Variants in MAP2 observed in about 807,000 individuals in gnomAD.
The protein encoded by MAP2 is microtubule-associated protein 2.
A neutral mutation model predicts 137.6 loss-of-function variants in MAP2; 14 were observed. That is an observed-to-expected ratio of 0.10 (90% CI 0.07 to 0.16). The LOEUF (loss-of-function observed/expected upper bound fraction) is 0.16, where lower values mean the gene tolerates loss of function less well. MAP2 is among the 10% of genes least tolerant of loss of function. The pLI is 1.00. For synonymous variants in MAP2, 786 were observed against 782.3 expected (o/e 1.00, Z -0.08); for missense variants, 2,088 against 2,191.5 (o/e 0.95, Z 0.94).
At chr2:209,633,529 C>T (rs559528991) in intron 4 of MAP2, among the ~76,000 whole-genome samples, 54 of 152,030 alleles carry the variant, frequency 3.6e-4, no homozygotes, top group South Asian at 1.9e-3. Context: ...ATAATGAGTA[C>T]GTGATAAGTA....
chr2:209,700,648 T>G (rs2061522531), intron 11 of MAP2, among the ~76,000 whole-genome samples: 1 of 152,158 alleles, frequency 6.6e-6, no homozygotes, highest in Non-Finnish European at 1.5e-5. Context: ...TAGAATCAAA[T>G]TAAACCATAT....
At position 209,451,706 on chromosome 2, in the gene MAP2, C is replaced by T. The variant is rs566542733; in HGVS notation, c.-222+27430C>T. 7.9e-5 allele frequency among the ~76,000 whole-genome samples: 12 copies of T among 152,298 alleles called. No homozygotes were observed. In the East Asian group the frequency reaches 1.9e-3, roughly 25 times the overall value. On this transcript the variant is annotated intron_variant, in intron 1 of 15. Transcript: ENST00000682079. ...ACAGGGCTTTAGTGTTTAATGCAGA[C>T]ATTCAGCAAACTTGCTGCTGGGTGT...
intron 7 of MAP2, among the ~76,000 whole-genome samples, chr2:209,683,313 A>G (rs1166078417): frequency 6.6e-6 from 1 of 152,174 alleles, no homozygotes; most frequent in African/African-American, 2.4e-5. Context: ...TTTCAAGCCA[A>G]ACTTGTGTTT....
chr2:209,468,496 A>G (rs952618724), intron 1 of MAP2, among the ~76,000 whole-genome samples: 3 of 150,596 alleles, frequency 2.0e-5, no homozygotes, highest in African/African-American at 7.3e-5. Context: ...AATTTTTTGT[A>G]TTTTTAGTAC....
intron 3 of MAP2, among the ~76,000 whole-genome samples, chr2:209,584,742 C>G (rs2077285230): frequency 6.6e-6 from 1 of 152,056 alleles, no homozygotes; most frequent in African/African-American, 2.4e-5. Context: ...AGGGTATTGA[C>G]TGTGGGCATG....
At chr2:209,699,030 T>C in intron 10 of MAP2, among the ~76,000 whole-genome samples, 1 of 152,214 alleles carries the variant, frequency 6.6e-6, no homozygotes, top group East Asian at 1.9e-4. Context: ...TTAAAATCTT[T>C]GAACTAATGA....
At chr2:209,556,262 T>C (rs565237450) in intron 2 of MAP2, among the ~76,000 whole-genome samples, 1 of 152,212 alleles carries the variant, frequency 6.6e-6, no homozygotes, top group South Asian at 2.1e-4. Flanking sequence ...CAAGCTGGTA[T>C]TGAACTCCTG....
At chr2:209,448,270 G>T (rs1354223675) in intron 1 of MAP2, among the ~76,000 whole-genome samples, 1 of 152,068 alleles carries the variant, frequency 6.6e-6, no homozygotes, top group Non-Finnish European at 1.5e-5. Context: ...ACTTGAGGTT[G>T]GGAGGTAGGT....
Position 209,693,261 on chromosome 2 carries a change from A to G in MAP2, c.1091A>G (p.Asp364Gly). The change falls in exon 8 of 16, where the codon GAT becomes GGT. Residue 364 changes from aspartate (D) to glycine (G), a missense_variant. By Grantham distance (94) the Asp-to-Gly change is moderately conservative. Transcript: ENST00000682079. The part of the protein sequence containing the change: ...QQTSGPATAK[D>G]SFKIEEPHEA... Reference sequence around the variant, plus strand: ...ACCAGTGGCCCAGCTACTGCCAAAGATAGTTTTAAAATTGAAGAGCCCCAT... The same window carrying G: ...ACCAGTGGCCCAGCTACTGCCAAAGGTAGTTTTAAAATTGAAGAGCCCCAT... 1 of 1,614,000 alleles carries G rather than the reference A, an allele frequency of 6.2e-7. No homozygotes were observed. Among genetic ancestry groups the G allele is most frequent in the East Asian group, 2.2e-5 (1 of 44,854 alleles).
chr2:209,602,545 C>T (rs933932627), intron 3 of MAP2, among the ~76,000 whole-genome samples: 9 of 152,128 alleles, frequency 5.9e-5, no homozygotes, highest in African/African-American at 1.7e-4. Flanking sequence ...AATAGGAACA[C>T]GAATACAGAA....
intron 4 of MAP2, among the ~76,000 whole-genome samples, chr2:209,645,170 T>G (rs1179533451): frequency 6.6e-6 from 1 of 152,172 alleles, no homozygotes; most frequent in African/African-American, 2.4e-5. Context: ...AACATCAGAG[T>G]GTATCAAATT....
At chr2:209,459,114 G>GTA (rs761579016) in intron 1 of MAP2, among the ~76,000 whole-genome samples, 2 of 152,114 alleles carry the variant, frequency 1.3e-5, no homozygotes, top group African/African-American at 4.8e-5. Flanking sequence ...TTCATGCCCA[G>GTA]TATATATAGT....
intron 3 of MAP2, among the ~76,000 whole-genome samples, chr2:209,581,059 T>C (rs920873749): frequency 1.1e-4 from 17 of 152,172 alleles, no homozygotes; most frequent in Non-Finnish European, 2.4e-4. Context: ...AAAATATACC[T>C]GAAAATAATG....
intron 14 of MAP2, among the ~76,000 whole-genome samples, chr2:209,726,594 A>G (rs1369374007): frequency 6.6e-6 from 1 of 152,126 alleles, no homozygotes; most frequent in Non-Finnish European, 1.5e-5. Context: ...CCCTGTCTCA[A>G]TAAAAAATAA....
chr2:209,538,535 CT>C (rs1175515630), intron 2 of MAP2, among the ~76,000 whole-genome samples: 1,828 of 125,298 alleles, frequency 0.015, 19 homozygotes, highest in African/African-American at 0.042. Flanking sequence ...CAGAAGAGTC[CT>C]TTTTTTTTTT....
At chr2:209,601,086 A>G (rs1390272803) in intron 3 of MAP2, among the ~76,000 whole-genome samples, 1 of 152,204 alleles carries the variant, frequency 6.6e-6, no homozygotes, top group Non-Finnish European at 1.5e-5. Flanking sequence ...TACTTACCTC[A>G]TAGACTTGTG....
At chr2:209,674,324 T>C (rs1257771981) in intron 5 of MAP2, among the ~76,000 whole-genome samples, 1 of 151,774 alleles carries the variant, frequency 6.6e-6, no homozygotes, top group African/African-American at 2.4e-5. Flanking sequence ...AAGGACTATA[T>C]AGAAGTTTTT....
At chr2:209,642,042 A>G (rs550552617) in intron 4 of MAP2, among the ~76,000 whole-genome samples, 65 of 152,248 alleles carry the variant, frequency 4.3e-4, no homozygotes, top group African/African-American at 1.5e-3. Flanking sequence ...CTCCTTCCAG[A>G]TCTCTCTGGA....
At chr2:209,625,887 T>C (rs1238063996) in intron 4 of MAP2, among the ~76,000 whole-genome samples, 1 of 152,184 alleles carries the variant, frequency 6.6e-6, no homozygotes, top group Non-Finnish European at 1.5e-5. Context: ...AATAATATTT[T>C]CCTTTATTTT....
Sources: allele counts gnomAD v4.1 joint callset (sites outside exome capture counted in the v4.1 genomes callset), GRCh38; gene constraint gnomAD v4.1.1; transcripts MANE v1.5; gene names NCBI Gene and HGNC (gene_info 2026-07-23, HGNC 2026-07-21).